Variants in BPIFA2 observed in about 807,000 individuals in gnomAD.
The protein encoded by BPIFA2 is BPI fold-containing family A member 2.
In BPIFA2, 20 loss-of-function variants were observed where a neutral mutation model predicts 25.7. The observed-to-expected ratio is 0.78, with a 90% CI of 0.55 to 1.13. The LOEUF is 1.13. BPIFA2 is among the 50% of genes most tolerant of loss of function. The pLI is 0.00. For synonymous variants in BPIFA2, 126 were observed against 124.3 expected (o/e 1.01, Z -0.09); for missense variants, 300 against 298.1 (o/e 1.01, Z -0.05).
chr20:33,165,801 T>C (rs17124271), upstream of BPIFA2, among the ~76,000 whole-genome samples: 25,096 of 151,984 alleles, frequency 0.17, 5,247 homozygotes, highest in African/African-American at 0.49. Flanking sequence ...AAACATCTTC[T>C]ATGTGAGAAG....
At chr20:33,178,366 T>C (rs1984157492) in intron 6 of BPIFA2, 138 bp downstream of exon 6, 6 of 618,938 alleles carry the variant, frequency 9.7e-6, no homozygotes, top group Non-Finnish European at 1.4e-5. Context: ...TGGAGCTTCC[T>C]CCTCTACTAA....
chr20:33,169,138 G>A lies in BPIFA2; in HGVS notation c.-8G>A, dbSNP rs1199632558. The A allele has an allele frequency of 1.2e-6, 2 of 1,613,750 alleles. No individual in the cohort carries two copies. Among genetic ancestry groups the A allele is most frequent in the Non-Finnish European group, 1.7e-6 (2 of 1,179,730 alleles). On this transcript the variant is annotated 5_prime_UTR_variant, in exon 2 of 9. Coordinates refer to ENST00000354932, the MANE Select transcript of BPIFA2 (RefSeq NM_080574.4). ...CTTCCCATGACTGTCCAGGTGTCAA[G>A]ACAAAAGATGCTTCAGCTTTGGAAA...
At chr20:33,176,618 C>A (rs914119209) in intron 5 of BPIFA2, among the ~76,000 whole-genome samples, 1 of 152,232 alleles carries the variant, frequency 6.6e-6, no homozygotes, top group Non-Finnish European at 1.5e-5. Flanking sequence ...GGGACGCCAT[C>A]CTGCTGCACT....
chr20:33,176,250 A>G (rs1304962004), intron 5 of BPIFA2, among the ~76,000 whole-genome samples: 1 of 152,210 alleles, frequency 6.6e-6, no homozygotes, highest in Non-Finnish European at 1.5e-5. Context: ...ATCCCTTTTA[A>G]TCCACAAAAT....
intron 4 of BPIFA2, among the ~76,000 whole-genome samples, chr20:33,174,783 C>T (rs964498407): frequency 1.3e-5 from 2 of 152,076 alleles, no homozygotes; most frequent in Non-Finnish European, 2.9e-5. Context: ...TGGCAGCACA[C>T]GCCTGTAGTC....
At chr20:33,171,927 A>G (rs1293558147) in intron 2 of BPIFA2, among the ~76,000 whole-genome samples, 1 of 152,216 alleles carries the variant, frequency 6.6e-6, no homozygotes, top group Non-Finnish European at 1.5e-5. Context: ...TACTATAAAG[A>G]CACATGTACA....
intron 2 of BPIFA2, among the ~76,000 whole-genome samples, chr20:33,171,171 T>G (rs1426397856): frequency 1.3e-5 from 2 of 152,158 alleles, no homozygotes; most frequent in African/African-American, 2.4e-5. Flanking sequence ...TAGCATGATG[T>G]CTCCAGCTTT....
chr20:33,180,028 G>A (rs1046427742), intron 7 of BPIFA2, among the ~76,000 whole-genome samples: 1 of 152,002 alleles, frequency 6.6e-6, no homozygotes, highest in Non-Finnish European at 1.5e-5. Context: ...GACCAGCCTG[G>A]GTGACACGGT....
chr20:33,171,948 T>C (rs965620327), intron 2 of BPIFA2, among the ~76,000 whole-genome samples: 2 of 152,214 alleles, frequency 1.3e-5, no homozygotes, highest in African/African-American at 2.4e-5. Flanking sequence ...CATATGTTTA[T>C]TGCAGCACTA....
chr20:33,169,817 G>A (rs770397842), intron 2 of BPIFA2, among the ~76,000 whole-genome samples: 48 of 151,952 alleles, frequency 3.2e-4, no homozygotes, highest in Non-Finnish European at 4.9e-4. Flanking sequence ...TTTTCTTTTG[G>A]GTTGTTTAAT....
upstream of BPIFA2, among the ~76,000 whole-genome samples, chr20:33,164,856 G>A (rs910982506): frequency 1.3e-5 from 2 of 152,218 alleles, no homozygotes; most frequent in Non-Finnish European, 2.9e-5. Context: ...AATTTTCTCT[G>A]GGAGTGTTGG....
chr20:33,163,639 A>C (rs1481309876), upstream of BPIFA2, among the ~76,000 whole-genome samples: 2 of 152,112 alleles, frequency 1.3e-5, no homozygotes, highest in Admixed American at 1.3e-4. Context: ...CCTGGCCAAA[A>C]GGTAAAACCC....
chr20:33,179,724 C>A, intron 7 of BPIFA2, 57 bp downstream of exon 7: 1 of 1,497,568 alleles, frequency 6.7e-7, no homozygotes, highest in Non-Finnish European at 9.3e-7. Flanking sequence ...CTGTGCCCAC[C>A]CCATAAGCAG....
At chr20:33,164,609 TCTTCCCTCCCTC>T (rs1187801767), upstream of BPIFA2, among the ~76,000 whole-genome samples, 1 of 151,660 alleles carries the variant, frequency 6.6e-6, no homozygotes, top group East Asian at 1.9e-4. Flanking sequence ...TTCCTGCCTT[TCTTCCCTCCCTC>T]CTTCCCTCTC....
At position 33,168,229 on chromosome 20, in the gene BPIFA2, C is replaced by A. The variant is rs1158705609; in HGVS notation, c.-16+20C>A. ...AAACGCGTGAGTGGCGTGCTCCCCC[C>A]AGTGGCACCACACGTGGTGGTCTTT... On this transcript the variant is annotated intron_variant, in intron 1 of 8. Transcript: ENST00000354932. 1 of 152,262 alleles carries A rather than the reference C, an allele frequency of 6.6e-6. No individual in the cohort carries two copies. The highest frequency in any genetic ancestry group is 1.5e-5 in the Non-Finnish European group (1 of 68,066). The allele number at this position is 152,262 out of a possible 1,614,324, so 9.4% of individuals were successfully genotyped here. A position where few individuals can be genotyped will look rare whatever the true frequency, so the allele number is the denominator to read the frequency against.
Position 33,169,317 on chromosome 20 carries a change from G to A in BPIFA2, c.157+15G>A. The A allele has an allele frequency of 6.2e-7, 1 of 1,612,214 alleles. No individual in the cohort carries two copies. The highest frequency in any genetic ancestry group is 8.5e-7 in the Non-Finnish European group (1 of 1,178,308). The stretch of plus-strand genomic sequence containing the variant: ...TACTCTTAAAGGTAAATCAACAAGG[G>A]TGATGAACAGTGTCACCTAAATTAG... On this transcript the variant is annotated intron_variant, in intron 2 of 8. Coordinates refer to ENST00000354932, the MANE Select transcript of BPIFA2 (RefSeq NM_080574.4).
At chr20:33,165,265 GGACCTACTA>G (rs1315030701), upstream of BPIFA2, among the ~76,000 whole-genome samples, 2 of 152,316 alleles carry the variant, frequency 1.3e-5, no homozygotes, top group Admixed American at 6.5e-5. Flanking sequence ...TGAGAAACCA[GGACCTACTA>G]GAAATTGGAT....
intron 2 of BPIFA2, among the ~76,000 whole-genome samples, chr20:33,170,784 G>T (rs1325863864): frequency 6.6e-6 from 1 of 152,146 alleles, no homozygotes; most frequent in African/African-American, 2.4e-5. Context: ...GCTTTCTTTT[G>T]GTGCAACTGC....
chr20:33,170,579 C>G (rs191989101), intron 2 of BPIFA2, among the ~76,000 whole-genome samples: 1 of 152,042 alleles, frequency 6.6e-6, no homozygotes, highest in Non-Finnish European at 1.5e-5. Context: ...TTTTTTGTAG[C>G]GGTGGAGTCT....
Sources: gnomAD v4.1 joint callset for allele counts (sites outside exome capture counted in the v4.1 genomes callset) on GRCh38, gnomAD v4.1.1 for gene constraint, MANE v1.5 for transcripts, NCBI Gene and HGNC (gene_info 2026-07-23, HGNC 2026-07-21) for gene names.